Variants in BACH2 observed in about 807,000 individuals in gnomAD.
BACH2 encodes the protein BACH transcriptional regulator 2.
In BACH2, 5 loss-of-function variants were observed where a neutral mutation model predicts 61.8. The ratio of observed to expected loss-of-function variants is 0.08; its 90% CI spans 0.04 to 0.17. The LOEUF is 0.17. Among genes scored for constraint, BACH2 ranks in the 10% least tolerant of loss-of-function variants. The pLI is 1.00. For synonymous variants in BACH2, 446 were observed against 440.1 expected (o/e 1.01, Z -0.17); for missense variants, 824 against 1,091.1 (o/e 0.76, Z 3.45).
chr6:89,945,973 C>G (rs1773698800), intron 7 of BACH2, among the ~76,000 whole-genome samples: 1 of 152,002 alleles, frequency 6.6e-6, no homozygotes, highest in Non-Finnish European at 1.5e-5. Flanking sequence ...AACCTGACTT[C>G]TTAAGGAATA....
chr6:90,018,934 C>T (rs1212443702), intron 5 of BACH2, among the ~76,000 whole-genome samples: 1 of 152,100 alleles, frequency 6.6e-6, no homozygotes, highest in South Asian at 2.1e-4. Context: ...AGTAAGAAGA[C>T]AAATATTTTC....
At chr6:90,136,186 C>T (rs529524377) in intron 4 of BACH2, among the ~76,000 whole-genome samples, 20 of 152,316 alleles carry the variant, frequency 1.3e-4, no homozygotes, top group African/African-American at 3.9e-4. Flanking sequence ...CTCACTGCTA[C>T]GGCTGAGTTT....
intron 4 of BACH2, among the ~76,000 whole-genome samples, chr6:90,122,426 T>A (rs1484583378): frequency 6.6e-6 from 1 of 152,070 alleles, no homozygotes; most frequent in African/African-American, 2.4e-5. Context: ...AAAAAAAGGT[T>A]TACAGGAAAG....
chr6:90,066,400 T>C (rs1273626171), intron 5 of BACH2, among the ~76,000 whole-genome samples: 1 of 152,108 alleles, frequency 6.6e-6, no homozygotes, highest in African/African-American at 2.4e-5. Context: ...ACACTGACTT[T>C]CAGGGATTTG....
At chr6:89,981,150 G>C (rs75005754) in intron 6 of BACH2, among the ~76,000 whole-genome samples, 1 of 138,782 alleles carries the variant, frequency 7.2e-6, no homozygotes, top group African/African-American at 2.7e-5. Flanking sequence ...TTTTTTTTTA[G>C]ACAAACAGTC....
chr6:90,034,822 AC>A (rs1779184479), intron 5 of BACH2, among the ~76,000 whole-genome samples: 3 of 152,224 alleles, frequency 2.0e-5, no homozygotes, highest in South Asian at 4.1e-4. Flanking sequence ...TGCTCTCCTC[AC>A]CTAAAACATC....
chr6:90,121,119 G>A (rs375565003), intron 4 of BACH2, among the ~76,000 whole-genome samples: 2 of 152,282 alleles, frequency 1.3e-5, no homozygotes, highest in South Asian at 2.1e-4. Context: ...TGGAAATCAT[G>A]CAATAATGTG....
At chr6:90,030,485 G>A (rs1778911334) in intron 5 of BACH2, among the ~76,000 whole-genome samples, 1 of 151,966 alleles carries the variant, frequency 6.6e-6, no homozygotes, top group African/African-American at 2.4e-5. Context: ...AAAGAGAGAA[G>A]AATCAAATAG....
At chr6:90,090,944 T>C (rs1422941080) in intron 4 of BACH2, among the ~76,000 whole-genome samples, 15 of 152,154 alleles carry the variant, frequency 9.9e-5, no homozygotes, top group Admixed American at 9.8e-4. Flanking sequence ...CTAATAATAA[T>C]GGCTAACCCT....
At chr6:90,037,593 A>G (rs761806176) in intron 5 of BACH2, among the ~76,000 whole-genome samples, 17 of 152,210 alleles carry the variant, frequency 1.1e-4, no homozygotes, top group Non-Finnish European at 1.9e-4. Flanking sequence ...CACGCTTCAC[A>G]TATCAGTCAC....
chr6:90,030,146 G>T (rs376894531), intron 5 of BACH2, among the ~76,000 whole-genome samples: 2 of 152,258 alleles, frequency 1.3e-5, no homozygotes, highest in African/African-American at 4.8e-5. Context: ...GCTTCTAAGA[G>T]ATGGCTCTGA....
intron 6 of BACH2, among the ~76,000 whole-genome samples, chr6:89,988,762 A>T (rs1346311439): frequency 6.6e-6 from 1 of 152,224 alleles, no homozygotes; most frequent in African/African-American, 2.4e-5. Flanking sequence ...AAATTAGGAA[A>T]GAAAATCGTT....
chr6:90,067,240 A>T (rs1167440840), intron 5 of BACH2, among the ~76,000 whole-genome samples: 2 of 152,204 alleles, frequency 1.3e-5, no homozygotes, highest in Non-Finnish European at 2.9e-5. Context: ...CGTTCTGTGG[A>T]AGGGAACAGA....
chr6:90,176,733 CA>C (rs1767995519), intron 4 of BACH2, among the ~76,000 whole-genome samples: 1 of 152,158 alleles, frequency 6.6e-6, no homozygotes, highest in Non-Finnish European at 1.5e-5. Context: ...TCCAATTGCC[CA>C]AACCAGATGC....
chr6:90,265,822 T>A (rs1354258549), intron 2 of BACH2, among the ~76,000 whole-genome samples: 1 of 152,314 alleles, frequency 6.6e-6, no homozygotes, highest in East Asian at 1.9e-4. Flanking sequence ...GGGCACCAGA[T>A]AGAAGAGGAC....
At chr6:90,034,781 T>C (rs1779182427) in intron 5 of BACH2, among the ~76,000 whole-genome samples, 3 of 152,106 alleles carry the variant, frequency 2.0e-5, no homozygotes, top group Admixed American at 1.3e-4. Context: ...ACTGAAAATA[T>C]AATAATGGAC....
intron 5 of BACH2, among the ~76,000 whole-genome samples, chr6:90,077,748 A>T (rs1582320190): frequency 1.3e-5 from 2 of 152,308 alleles, no homozygotes; most frequent in African/African-American, 4.8e-5. Context: ...GGTTTAATTC[A>T]TCACTTCTTG....
chr6:89,951,646 C>T lies in BACH2; in HGVS notation c.460G>A (p.Glu154Lys), dbSNP rs1774128748. ...TCTCCTGCAGAGTTCTCGCAGTCCT[C>T]GTGTGGGCGCTGGCACGCAGCATCC... is the stretch of plus-strand genomic sequence containing the variant. The part of the protein sequence containing the change: ...RKDAACQRPH[E>K]DCENSAGEEE... Residue 154 changes from glutamate to lysine, a missense_variant, in exon 7 of 9, where the codon GAG (glutamate) becomes AAG (lysine). By Grantham distance (56) the Glu-to-Lys change is moderately conservative. This residue lies in a region of BACH2 where 107 missense variants were observed against 121.7 expected (regional missense o/e 0.88). Transcript: ENST00000257749. The surrounding 1 kb of genome is among the most constrained non-coding windows in gnomAD (Gnocchi z 6.4). 7.4e-6 allele frequency: 12 copies of T among 1,614,226 alleles called. No individual in the cohort carries two copies. The highest frequency in any genetic ancestry group is 2.2e-5 in the East Asian group (1 of 44,870).
intron 6 of BACH2, among the ~76,000 whole-genome samples, chr6:89,991,415 T>C (rs902169634): frequency 5.9e-5 from 9 of 152,172 alleles, no homozygotes; most frequent in African/African-American, 2.2e-4. Flanking sequence ...TTTGCTAAAT[T>C]TGTGTGCTCT....
Sources: allele counts gnomAD v4.1 joint callset (sites outside exome capture counted in the v4.1 genomes callset), GRCh38; gene constraint gnomAD v4.1.1; regional missense constraint gnomAD v4.1.1; non-coding constraint Gnocchi (gnomAD v3.1); transcripts MANE v1.5; gene names NCBI Gene and HGNC (gene_info 2026-07-23, HGNC 2026-07-21).